Variants in JMJD1C observed in about 807,000 individuals in gnomAD.
JMJD1C encodes jumonji domain containing 1C.
Under a neutral mutation model 245.3 loss-of-function variants are expected in JMJD1C, and 31 were observed. The observed-to-expected ratio is 0.13, with a 90% CI of 0.09 to 0.17. The LOEUF (loss-of-function observed/expected upper bound fraction) is 0.17. Ranked by LOEUF, JMJD1C falls within the 10% of genes least tolerant of loss-of-function variation. The pLI, the probability that JMJD1C is intolerant of heterozygous loss-of-function variation, is 1.00. For synonymous variants in JMJD1C, 1,057 were observed against 1,017.4 expected (o/e 1.04, Z -0.74); for missense variants, 2,691 against 3,000.2 (o/e 0.90, Z 2.41).
chr10:63,505,161 T>A (rs971921511), intron 1 of JMJD1C, among the ~76,000 whole-genome samples: 4 of 151,728 alleles, frequency 2.6e-5, no homozygotes, highest in East Asian at 1.9e-4. Context: ...AAATATTTTT[T>A]AAAAAATTAG....
intron 2 of JMJD1C, among the ~76,000 whole-genome samples, chr10:63,265,119 C>T (rs1006504642): frequency 5.3e-5 from 8 of 149,740 alleles, no homozygotes; most frequent in African/African-American, 1.9e-4. Flanking sequence ...TATTTACCCC[C>T]ACCTTTTTTT....
intron 1 of JMJD1C, among the ~76,000 whole-genome samples, chr10:63,514,436 C>G (rs1954956959): frequency 6.6e-6 from 1 of 152,174 alleles, no homozygotes; most frequent in Non-Finnish European, 1.5e-5. Flanking sequence ...CCATGGAATA[C>G]TATGCAGACA....
chr10:63,301,523 C>T (rs1203072096), intron 2 of JMJD1C, among the ~76,000 whole-genome samples: 1 of 152,178 alleles, frequency 6.6e-6, no homozygotes, highest in Non-Finnish European at 1.5e-5. Flanking sequence ...ACAAATAAAA[C>T]AAATGGCTAA....
intron 2 of JMJD1C, among the ~76,000 whole-genome samples, chr10:63,330,941 G>C (rs1303308909): frequency 6.6e-6 from 1 of 152,044 alleles, no homozygotes; most frequent in Non-Finnish European, 1.5e-5. Context: ...AACTGTTCAA[G>C]GTAGGCATTC....
chr10:63,248,041 A>G (rs1413227407), intron 3 of JMJD1C, among the ~76,000 whole-genome samples: 1 of 152,198 alleles, frequency 6.6e-6, no homozygotes, highest in Admixed American at 6.5e-5. Context: ...CAGCCTGGCC[A>G]ACATGGTGAA....
At chr10:63,504,149 G>A (rs1307243317) in intron 1 of JMJD1C, among the ~76,000 whole-genome samples, 1 of 152,146 alleles carries the variant, frequency 6.6e-6, no homozygotes, top group African/African-American at 2.4e-5. Context: ...ACTTGTTTCT[G>A]TACTTTTCTG....
chr10:63,499,888 T>C (rs1954487542), intron 1 of JMJD1C, among the ~76,000 whole-genome samples: 1 of 152,240 alleles, frequency 6.6e-6, no homozygotes, highest in Admixed American at 6.5e-5. Flanking sequence ...GGTGAAGCTA[T>C]GTACTTTAAA....
chr10:63,443,321 T>C (rs1454327199), intron 1 of JMJD1C, among the ~76,000 whole-genome samples: 1 of 152,138 alleles, frequency 6.6e-6, no homozygotes, highest in Non-Finnish European at 1.5e-5. Context: ...TTTTGCTTTT[T>C]CTTCTTTTGA....
intron 1 of JMJD1C, chr10:63,382,900 C>G (rs1359595181): frequency 4.4e-6 from 2 of 455,256 alleles, no homozygotes; most frequent in Non-Finnish European, 8.8e-6. Context: ...TCAACTCCAA[C>G]TTAGCTTTGA....
chr10:63,498,115 G>C (rs1333716628), intron 1 of JMJD1C, among the ~76,000 whole-genome samples: 4 of 152,132 alleles, frequency 2.6e-5, no homozygotes, highest in African/African-American at 9.7e-5. Flanking sequence ...TCAAGAGTCA[G>C]ATACTGACAG....
At chr10:63,411,110 G>C (rs1398937918) in intron 1 of JMJD1C, among the ~76,000 whole-genome samples, 1 of 152,040 alleles carries the variant, frequency 6.6e-6, no homozygotes, top group Admixed American at 6.6e-5. Flanking sequence ...ATATTATACT[G>C]AGTGTAAAAA....
chr10:63,470,845 T>C (rs1469462432), upstream of JMJD1C, among the ~76,000 whole-genome samples: 1 of 152,224 alleles, frequency 6.6e-6, no homozygotes, highest in Admixed American at 6.5e-5. Context: ...GTTTAAATTC[T>C]GGCTGCACAG....
chr10:63,433,125 C>T (rs1273438616), intron 1 of JMJD1C, among the ~76,000 whole-genome samples: 1 of 149,904 alleles, frequency 6.7e-6, no homozygotes, highest in East Asian at 1.9e-4. Context: ...GAGTTTTGCT[C>T]TTGTTGCCCA....
intron 2 of JMJD1C, among the ~76,000 whole-genome samples, chr10:63,355,573 G>GA (rs2134320901): frequency 6.6e-6 from 1 of 152,170 alleles, no homozygotes; most frequent in South Asian, 2.1e-4. Flanking sequence ...TCTTGGAAGA[G>GA]AAAAAATTGA....
intron 1 of JMJD1C, among the ~76,000 whole-genome samples, chr10:63,401,240 A>G (rs1257024425): frequency 6.6e-6 from 1 of 152,138 alleles, no homozygotes; most frequent in African/African-American, 2.4e-5. Flanking sequence ...GTGAAGATGC[A>G]CATTTCTCTC....
At chr10:63,422,663 G>A (rs958434912) in intron 1 of JMJD1C, among the ~76,000 whole-genome samples, 5 of 152,094 alleles carry the variant, frequency 3.3e-5, no homozygotes, top group African/African-American at 4.8e-5. Flanking sequence ...TACTTTTTGC[G>A]TAGAGAGCAT....
chr10:63,220,042 G>A (rs926961087), intron 3 of JMJD1C, 59 bp from the exon 4 acceptor site: 27 of 1,261,138 alleles, frequency 2.1e-5, no homozygotes, highest in South Asian at 1.7e-4. Context: ...TAATGTTACC[G>A]ACTTTCCCTC....
chr10:63,506,443 T>C (rs1433873934), intron 1 of JMJD1C, among the ~76,000 whole-genome samples: 1 of 152,238 alleles, frequency 6.6e-6, no homozygotes, highest in Non-Finnish European at 1.5e-5. Context: ...TAAACTATGC[T>C]TCTTGAACAA....
At chr10:63,185,144 T>A (rs1208309857) in intron 20 of JMJD1C, among the ~76,000 whole-genome samples, 1 of 152,160 alleles carries the variant, frequency 6.6e-6, no homozygotes, top group Non-Finnish European at 1.5e-5. Flanking sequence ...TATCAATCAA[T>A]CCATCAGACA....
Sources: gnomAD v4.1 joint callset for allele counts (sites outside exome capture counted in the v4.1 genomes callset) on GRCh38, gnomAD v4.1.1 for gene constraint, MANE v1.5 for transcripts, NCBI Gene and HGNC (gene_info 2026-07-23, HGNC 2026-07-21) for gene names.